GAN: variants seen among roughly 807,000 people sequenced by gnomAD.
GAN encodes epididymis secretory sperm binding protein.
In GAN, 48 loss-of-function variants were observed where a neutral mutation model predicts 71.3. The ratio of observed to expected loss-of-function variants is 0.67; its 90% CI spans 0.53 to 0.86. GAN has a LOEUF of 0.86. Among genes scored for constraint, GAN ranks in the 40% least tolerant of loss-of-function variants. The pLI is 0.00. For missense variants in GAN, 928 were observed against 770.1 expected (o/e 1.21, Z -2.43); for synonymous variants, 386 against 276.8 (o/e 1.39, Z -3.92).
intron 5 of GAN, among the ~76,000 whole-genome samples, chr16:81,361,848 C>T (rs2911441): frequency 0.21 from 32,674 of 152,124 alleles, 3,809 homozygotes; most frequent in Non-Finnish European, 0.28. Context: ...ACAAATACCA[C>T]AATGCCCGGC....
rs1229955162 is a variant in GAN at position 81,390,101 on chromosome 16, A to AGG, written c.*12505_*12506insGG. The stretch of plus-strand genomic sequence containing the variant: ...TTGTGTGTGATATTATCCTATCTTT[A>AGG]ATAAAGTCCTACTACTGAAAAACAG... On this transcript the variant is annotated 3_prime_UTR_variant, in exon 11 of 11. Coordinates refer to ENST00000648994, the MANE Select transcript of GAN (RefSeq NM_022041.4). 1 of 152,182 alleles carries AGG rather than the reference A, an allele frequency of 6.6e-6. No homozygotes were observed. Among genetic ancestry groups the AGG allele is most frequent in the Non-Finnish European group, 1.5e-5 (1 of 68,044 alleles). The allele number at this position is 152,182 out of a possible 1,614,324, so 9.4% of individuals were successfully genotyped here.
rs139150238 is a variant in GAN at position 81,315,936 on chromosome 16, C to T, written c.167+656C>T. On this transcript the variant is annotated intron_variant, in intron 1 of 10. Coordinates refer to ENST00000648994, the MANE Select transcript of GAN (RefSeq NM_022041.4). ...TGTCTTTTCCGCTCCATTCTGGTAA[C>T]TGTTTAAAAGAGGAGTTACACGTTG... Among the ~76,000 whole-genome samples, 19 of 152,366 alleles carry T rather than the reference C, an allele frequency of 1.2e-4. No individual in the cohort carries two copies. In the East Asian group the frequency reaches 3.3e-3, roughly 26 times the overall value.
In GAN at chr16:81,380,069, T is replaced by C. The variant is rs936957817; in HGVS notation, c.*2473T>C. 1.3e-5 allele frequency: 2 copies of C among 152,586 alleles called. No individual in the cohort carries two copies. The highest frequency in any genetic ancestry group is 4.8e-5 in the African/African-American group (2 of 41,436). 9.5% of individuals were successfully genotyped at this position (152,586 alleles called of 1,614,324 possible). A position where few individuals can be genotyped will look rare whatever the true frequency, so the allele number is the denominator to read the frequency against. On this transcript the variant is annotated 3_prime_UTR_variant, in exon 11 of 11. Coordinates refer to ENST00000648994, the MANE Select transcript of GAN (RefSeq NM_022041.4). ...TTTACTATATATAAATATTAAAATA[T>C]TGTGTTGAAGTATAGGGATGTATTT... is the stretch of plus-strand genomic sequence containing the variant.
At chr16:81,354,830 TC>T in intron 3 of GAN, 75 bp downstream of exon 3, 1 of 844,582 alleles carries the variant, frequency 1.2e-6, no homozygotes, top group Non-Finnish European at 2.0e-6. Context: ...GTTTTATTTT[TC>T]TTCTTCATCA....
chr16:81,315,323 G>A (rs886862091), intron 1 of GAN, 43 bp downstream of exon 1: 1 of 1,349,520 alleles, frequency 7.4e-7, no homozygotes, highest in Non-Finnish European at 9.6e-7. Context: ...GGTGCTGCCC[G>A]GAGCCGGAGG....
At chr16:81,353,689 C>G (rs1294829648) in intron 2 of GAN, among the ~76,000 whole-genome samples, 1 of 152,058 alleles carries the variant, frequency 6.6e-6, no homozygotes, top group African/African-American at 2.4e-5. Context: ...TTTTAGAGAA[C>G]TGTTTCTTTC....
intron 3 of GAN, among the ~76,000 whole-genome samples, chr16:81,356,310 C>T (rs1018425303): frequency 6.6e-6 from 1 of 152,026 alleles, no homozygotes; most frequent in African/African-American, 2.4e-5. Context: ...ATATAGTACT[C>T]AGGTTTTTTT....
At chr16:81,316,013 G>A (rs557611597) in intron 1 of GAN, among the ~76,000 whole-genome samples, 2 of 152,354 alleles carry the variant, frequency 1.3e-5, no homozygotes, top group East Asian at 3.9e-4. Flanking sequence ...AGGACCGTGA[G>A]AGCCTTGCGA....
intron 5 of GAN, among the ~76,000 whole-genome samples, chr16:81,361,216 C>T (rs1014594199): frequency 1.3e-5 from 2 of 152,074 alleles, no homozygotes; most frequent in Non-Finnish European, 2.9e-5. Context: ...CAGAGCAAGA[C>T]TGTCTTTAAA....
intron 2 of GAN, among the ~76,000 whole-genome samples, chr16:81,353,898 C>T (rs775181133): frequency 4.6e-5 from 7 of 152,090 alleles, no homozygotes; most frequent in Non-Finnish European, 7.3e-5. Context: ...TTTTGGGATG[C>T]GGAATGAGGC....
intron 9 of GAN, among the ~76,000 whole-genome samples, chr16:81,371,473 A>G (rs1421437248): frequency 2.6e-5 from 4 of 152,168 alleles, no homozygotes; most frequent in African/African-American, 9.7e-5. Context: ...TTAGTCAGCA[A>G]TTGACTTGGT....
Position 81,384,523 on chromosome 16 carries a change from GTCTA to G in GAN, c.*6931_*6934del, listed in dbSNP as rs1015049121. On this transcript the variant is annotated 3_prime_UTR_variant, in exon 11 of 11. Transcript: ENST00000648994. ...TTGTTAGCATCAGACAAGAAAATGT[GTCTA>G]TCTGTCATCTGACCCAGTATTTGGG... 2.0e-5 allele frequency: 3 copies of G among 152,116 alleles called. No individual in the cohort carries two copies. Among genetic ancestry groups the G allele is most frequent in the Non-Finnish European group, 2.9e-5 (2 of 68,008 alleles). 9.4% of individuals were successfully genotyped at this position (152,116 alleles called of 1,614,324 possible). A position where few individuals can be genotyped will look rare whatever the true frequency, so the allele number is the denominator to read the frequency against.
chr16:81,367,498 C>A (rs1323574145), intron 9 of GAN, among the ~76,000 whole-genome samples: 1 of 152,166 alleles, frequency 6.6e-6, no homozygotes, highest in Non-Finnish European at 1.5e-5. Flanking sequence ...CACTGCACTC[C>A]AGCCTGGGCA....
rs1396184181 is a variant in GAN, at chr16:81,384,410, G to C, written c.*6814G>C. 1 of 151,724 alleles carries C rather than the reference G, an allele frequency of 6.6e-6. No individual in the cohort carries two copies. Among genetic ancestry groups the C allele is most frequent in the Non-Finnish European group, 1.5e-5 (1 of 67,978 alleles). 9.4% of individuals were successfully genotyped at this position (151,724 alleles called of 1,614,324 possible). A position where few individuals can be genotyped will look rare whatever the true frequency, so the allele number is the denominator to read the frequency against. On this transcript the variant is annotated 3_prime_UTR_variant, in exon 11 of 11. Transcript: ENST00000648994. ...CTTGAAACTCAACTTGAACTTTAAA[G>C]AGTCTTTAAAAGGCTGTTTTCATAA...
intron 6 of GAN, among the ~76,000 whole-genome samples, chr16:81,363,205 C>G (rs1910737138): frequency 6.6e-6 from 1 of 152,242 alleles, no homozygotes; most frequent in African/African-American, 2.4e-5. Context: ...TTTCCCACGT[C>G]AACTTGAAAA....
At chr16:81,352,756 G>A (rs1382670550) in intron 2 of GAN, among the ~76,000 whole-genome samples, 1 of 152,182 alleles carries the variant, frequency 6.6e-6, no homozygotes, top group African/African-American at 2.4e-5. Flanking sequence ...GTGTGTACGT[G>A]TATGATTGTT....
intron 1 of GAN, among the ~76,000 whole-genome samples, chr16:81,329,969 G>C (rs557675515): frequency 2.0e-5 from 3 of 152,188 alleles, no homozygotes; most frequent in African/African-American, 7.2e-5. Flanking sequence ...GTGTGGGTTA[G>C]TATACTACCA....
Position 81,357,867 on chromosome 16 carries a change from G to A in GAN, c.909G>A (p.Arg303=). ...TGTGCCCTCTCTATGACCCTAACAGGCAGCTTTGGATCGAACTGGCCCCTT... is the reference window on the plus strand; with the variant it reads ...TGTGCCCTCTCTATGACCCTAACAGACAGCTTTGGATCGAACTGGCCCCTT... The part of the protein sequence containing the change: ...RCMCPLYDPN[R]QLWIELAPLS... Residue 303 remains arginine (R), a synonymous_variant, in exon 5 of 11, where the codon AGG becomes AGA. Transcript: ENST00000648994. The A allele has an allele frequency of 1.2e-6, 2 of 1,613,336 alleles. No individual in the cohort carries two copies. The highest frequency in any genetic ancestry group is 1.7e-6 in the Non-Finnish European group (2 of 1,179,320).
intron 1 of GAN, among the ~76,000 whole-genome samples, chr16:81,331,482 A>G (rs1909575280): frequency 6.6e-6 from 1 of 152,184 alleles, no homozygotes; most frequent in Admixed American, 6.5e-5. Flanking sequence ...GTGCAAAGGA[A>G]CTCAGTACAA....
Sources: allele counts gnomAD v4.1 joint callset (sites outside exome capture counted in the v4.1 genomes callset), GRCh38; gene constraint gnomAD v4.1.1; transcripts MANE v1.5; gene names NCBI Gene and HGNC (gene_info 2026-07-23, HGNC 2026-07-21).